The following CALN1 variants were observed in gnomAD, a reference collection of about 807,000 sequenced individuals.
The protein encoded by CALN1 is calcium-binding protein 8.
Under a neutral mutation model 30.6 loss-of-function variants are expected in CALN1, and 17 were observed. That is an observed-to-expected ratio of 0.56 (90% CI 0.38 to 0.83). The LOEUF is 0.83. Ranked by LOEUF, CALN1 falls within the 40% of genes least tolerant of loss-of-function variation. The pLI is 0.00. For missense variants in CALN1, 291 were observed against 354.9 expected (o/e 0.82, Z 1.45); for synonymous variants, 156 against 131.4 (o/e 1.19, Z -1.28).
At chr7:71,994,983 G>T (rs1220055266) in intron 5 of CALN1, among the ~76,000 whole-genome samples, 1 of 151,858 alleles carries the variant, frequency 6.6e-6, no homozygotes, top group Non-Finnish European at 1.5e-5. Flanking sequence ...CTCCTGAGTA[G>T]CTGGGACTAC....
chr7:72,285,186 T>C (rs190648842), intron 2 of CALN1, among the ~76,000 whole-genome samples: 249 of 152,254 alleles, frequency 1.6e-3, no homozygotes, highest in African/African-American at 5.8e-3. Flanking sequence ...GTGGACTTGA[T>C]TTTTGTATAT....
At chr7:72,370,676 A>C (rs1177985421) in intron 2 of CALN1, among the ~76,000 whole-genome samples, 2 of 151,944 alleles carry the variant, frequency 1.3e-5, no homozygotes, top group Non-Finnish European at 2.9e-5. Context: ...AAAAAAAGTA[A>C]AATTAATATA....
intron 2 of CALN1, among the ~76,000 whole-genome samples, chr7:72,321,242 G>A (rs948907857): frequency 6.6e-6 from 1 of 152,196 alleles, no homozygotes; most frequent in Non-Finnish European, 1.5e-5. Flanking sequence ...AGCTCACAAA[G>A]AGCCGGGCAG....
chr7:72,277,654 A>G (rs780954966), intron 3 of CALN1, among the ~76,000 whole-genome samples: 3 of 152,128 alleles, frequency 2.0e-5, no homozygotes, highest in Non-Finnish European at 4.4e-5. Flanking sequence ...AAGCTATTCA[A>G]TGGCCTCTCC....
At chr7:72,440,042 A>C (rs1171751237) in intron 1 of CALN1, among the ~76,000 whole-genome samples, 1 of 152,240 alleles carries the variant, frequency 6.6e-6, no homozygotes, top group East Asian at 1.9e-4. Flanking sequence ...TTTCGAATTA[A>C]ATGCCAGAAA....
chr7:71,832,322 T>G (rs1467444330), intron 5 of CALN1, among the ~76,000 whole-genome samples: 3 of 152,300 alleles, frequency 2.0e-5, no homozygotes, highest in Non-Finnish European at 2.9e-5. Flanking sequence ...TATCTTCAGA[T>G]AGAGAAGAAA....
At chr7:72,247,566 T>C (rs1388779919) in intron 3 of CALN1, among the ~76,000 whole-genome samples, 3 of 152,026 alleles carry the variant, frequency 2.0e-5, no homozygotes, top group Non-Finnish European at 1.5e-5. Context: ...CAACAGGCCA[T>C]TTTCTTATTA....
chr7:72,443,234 G>A (rs1165754428), intron 1 of CALN1, among the ~76,000 whole-genome samples: 1 of 152,140 alleles, frequency 6.6e-6, no homozygotes, highest in Non-Finnish European at 1.5e-5. Context: ...TTCTCTGCCT[G>A]CAAGTTCCGC....
intron 2 of CALN1, among the ~76,000 whole-genome samples, chr7:72,315,848 C>T (rs748274185): frequency 6.6e-6 from 1 of 152,136 alleles, no homozygotes; most frequent in South Asian, 2.1e-4. Flanking sequence ...CCTGATAATT[C>T]CTCTTCTAAG....
At chr7:71,940,476 T>C (rs949631726) in intron 5 of CALN1, among the ~76,000 whole-genome samples, 2 of 152,362 alleles carry the variant, frequency 1.3e-5, no homozygotes, top group Admixed American at 6.5e-5. Flanking sequence ...ATCAGGCTTA[T>C]GTCAATGCAC....
intron 3 of CALN1, among the ~76,000 whole-genome samples, chr7:72,269,570 G>GCATC (rs1438091631): frequency 1.2e-4 from 18 of 152,146 alleles, no homozygotes; most frequent in Non-Finnish European, 2.1e-4. Context: ...AGTACTCCAG[G>GCATC]CATCCAGCTA....
intron 5 of CALN1, among the ~76,000 whole-genome samples, chr7:71,926,699 A>G (rs1795286535): frequency 1.3e-5 from 2 of 151,054 alleles, no homozygotes; most frequent in Non-Finnish European, 3.0e-5. Context: ...TATTCTTTTT[A>G]CCTCTTTGTG....
At chr7:71,816,828 C>G (rs1240787464) in intron 5 of CALN1, among the ~76,000 whole-genome samples, 1 of 152,134 alleles carries the variant, frequency 6.6e-6, no homozygotes, top group East Asian at 1.9e-4. Flanking sequence ...ATTAGCCCGG[C>G]GTGGTGACGC....
intron 2 of CALN1, among the ~76,000 whole-genome samples, chr7:72,397,722 AC>A (rs1806065423): frequency 6.8e-6 from 1 of 147,626 alleles, no homozygotes; most frequent in Non-Finnish European, 1.5e-5. Context: ...TCTCACACAC[AC>A]ACACACACAC....
chr7:72,375,126 T>C (rs1460138313), intron 2 of CALN1, among the ~76,000 whole-genome samples: 1 of 152,186 alleles, frequency 6.6e-6, no homozygotes, highest in Non-Finnish European at 1.5e-5. Flanking sequence ...ATTACCACCA[T>C]CAGTGGCTTA....
In CALN1 at chr7:72,178,668, G is replaced by A. The variant is rs1174117641; in HGVS notation, c.245-72374C>T. On this transcript the variant is annotated intron_variant, in intron 3 of 6. Transcript: ENST00000395275. ...CGCACTAATGCACTCCAGCCCAGAC[G>A]ACAGAGAGAGACTCCATGTCAAAAA... Among the ~76,000 whole-genome samples the A allele has an allele frequency of 3.4e-5, 5 of 149,230 alleles. No individual in the cohort carries two copies. In the East Asian group the frequency reaches 5.8e-4, roughly 17 times the overall value.
upstream of CALN1, among the ~76,000 whole-genome samples, chr7:72,415,360 G>A (rs1427445460): frequency 6.6e-6 from 1 of 152,214 alleles, no homozygotes; most frequent in Non-Finnish European, 1.5e-5. Context: ...GGGACCAGCA[G>A]TCATGCCAAG....
the CALN1 span, among the ~76,000 whole-genome samples, chr7:72,502,030 T>G: frequency 6.9e-6 from 1 of 144,344 alleles, no homozygotes; most frequent in Non-Finnish European, 1.5e-5. Flanking sequence ...CTTTAAATGA[T>G]CTAAGTAAAC....
rs542540048 is a variant in CALN1, at chr7:71,960,482, C to T, written c.501+63175G>A. Among the ~76,000 whole-genome samples the T allele has an allele frequency of 7.9e-5, 12 of 152,292 alleles. No individual in the cohort carries two copies. In the South Asian group the frequency reaches 1.7e-3, roughly 21 times the overall value. Reference sequence around the variant, plus strand: ...GAGGATAGTAGCTTCCACTTCCATCCGTGTTGCTGCAGAAGATAATGATTG... The same window carrying T: ...GAGGATAGTAGCTTCCACTTCCATCTGTGTTGCTGCAGAAGATAATGATTG... On this transcript the variant is annotated intron_variant, in intron 5 of 6. Coordinates refer to ENST00000395275, the MANE Select transcript of CALN1 (RefSeq NM_031468.4).
Sources: allele counts gnomAD v4.1 joint callset (sites outside exome capture counted in the v4.1 genomes callset), GRCh38; gene constraint gnomAD v4.1.1; transcripts MANE v1.5; gene names NCBI Gene and HGNC (gene_info 2026-07-23, HGNC 2026-07-21).